PCDH11X: variants seen among roughly 807,000 people sequenced by gnomAD.
PCDH11X encodes the protein protocadherin-11 X-linked.
Under a neutral mutation model 53.3 loss-of-function variants are expected in PCDH11X, and 18 were observed. The ratio of observed to expected loss-of-function variants is 0.34; its 90% CI spans 0.23 to 0.50. PCDH11X has a LOEUF of 0.50. Among genes scored for constraint, PCDH11X ranks in the 20% least tolerant of loss-of-function variants. The pLI is 0.98. For missense variants in PCDH11X, 570 were observed against 1,032.4 expected, an observed-to-expected ratio of 0.55 and a Z score of 6.14; for synonymous variants, 279 against 393.3, an observed-to-expected ratio of 0.71 and a Z score of 3.44.
chrX:91,932,003 C>A (rs180847166), intron 6 of PCDH11X, among the ~76,000 whole-genome samples: 1,619 of 110,599 alleles, frequency 0.015, 43 homozygotes, highest in African/African-American at 0.052. Context: ...CAAGAGGCCT[C>A]AGTGTGTGTT....
At chrX:92,544,092 C>T (rs983584811) in intron 10 of PCDH11X, among the ~76,000 whole-genome samples, 3 of 108,729 alleles carry the variant, frequency 2.8e-5, no homozygotes, top group African/African-American at 1.0e-4. Context: ...TGTCAGACAC[C>T]TTTCACACCA....
In PCDH11X at chrX:92,314,340, G is replaced by A. The variant is rs1267684375; in HGVS notation, c.3144+51197G>A. ...TTGTCTCACTGGAAGATCTTCAGAG[G>A]CAATAGTATGCATGAAGCTGTCATC... is the stretch of plus-strand genomic sequence containing the variant. On this transcript the variant is annotated intron_variant, in intron 8 of 10. Transcript: ENST00000682573. Among the ~76,000 whole-genome samples, 9 of 110,983 alleles carry A rather than the reference G, an allele frequency of 8.1e-5. No individual in the cohort carries two copies. In the East Asian group the frequency reaches 2.3e-3, roughly 28 times the overall value.
chrX:92,475,275 T>C (rs1210945724), intron 10 of PCDH11X, among the ~76,000 whole-genome samples: 1 of 110,196 alleles, frequency 9.1e-6, no homozygotes, highest in African/African-American at 3.3e-5. Context: ...GTTTTGTACC[T>C]TTGTATGAAT....
intron 6 of PCDH11X, among the ~76,000 whole-genome samples, chrX:92,165,704 T>C (rs1161503324): frequency 8.9e-6 from 1 of 112,072 alleles, no homozygotes; most frequent in Non-Finnish European, 1.9e-5. Context: ...TCAGTAGCTA[T>C]GTGCACTGTA....
chrX:92,241,306 A>C (rs1026281943), intron 7 of PCDH11X, among the ~76,000 whole-genome samples: 1 of 111,911 alleles, frequency 8.9e-6, no homozygotes, highest in Non-Finnish European at 1.9e-5. Flanking sequence ...CATCATATAA[A>C]GTTCTTTTCT....
chrX:92,488,678 A>C (rs1459447537), intron 10 of PCDH11X, among the ~76,000 whole-genome samples: 1 of 107,978 alleles, frequency 9.3e-6, no homozygotes, highest in Non-Finnish European at 1.9e-5. Flanking sequence ...TTCTGTATTC[A>C]AAATAGTTTC....
intron 5 of PCDH11X, among the ~76,000 whole-genome samples, chrX:91,873,906 T>C (rs765955595): frequency 9.0e-6 from 1 of 111,281 alleles, no homozygotes; most frequent in South Asian, 3.7e-4. Flanking sequence ...ATTCTCTTAA[T>C]GTAAATCCGT....
At chrX:92,515,004 G>T (rs1216336026) in intron 10 of PCDH11X, among the ~76,000 whole-genome samples, 2 of 80,016 alleles carry the variant, frequency 2.5e-5, no homozygotes, top group Admixed American at 3.5e-4. Context: ...CTGAGATCCC[G>T]CCACTGCACT....
intron 5 of PCDH11X, among the ~76,000 whole-genome samples, chrX:91,853,630 A>G (rs940443725): frequency 9.2e-6 from 1 of 108,839 alleles, no homozygotes; most frequent in Non-Finnish European, 1.9e-5. Context: ...CTGATTGTTA[A>G]TGGATAAGAA....
At chrX:91,795,684 C>A (rs1266588323) in intron 1 of PCDH11X, among the ~76,000 whole-genome samples, 1 of 110,964 alleles carries the variant, frequency 9.0e-6, no homozygotes, top group Non-Finnish European at 1.9e-5. Context: ...AGGTTTTATG[C>A]TACAATTTAA....
intron 7 of PCDH11X, among the ~76,000 whole-genome samples, chrX:92,240,780 G>A (rs1482481688): frequency 9.0e-6 from 1 of 110,954 alleles, no homozygotes; most frequent in African/African-American, 3.3e-5. Context: ...TCAAATATAT[G>A]GCTGTGCTAA....
At chrX:92,268,099 A>T (rs988391774) in intron 8 of PCDH11X, among the ~76,000 whole-genome samples, 2 of 112,282 alleles carry the variant, frequency 1.8e-5, no homozygotes, top group Non-Finnish European at 3.8e-5. Context: ...TAAATAAAAC[A>T]AATTCTAATG....
intron 6 of PCDH11X, among the ~76,000 whole-genome samples, chrX:92,014,079 C>T (rs1342288174): frequency 1.8e-5 from 2 of 111,334 alleles, no homozygotes; most frequent in East Asian, 5.7e-4. Flanking sequence ...AAGAAACTAC[C>T]ATCAGAGTGA....
At chrX:92,465,584 T>C (rs1465611559) in intron 9 of PCDH11X, among the ~76,000 whole-genome samples, 1 of 111,998 alleles carries the variant, frequency 8.9e-6, no homozygotes, top group Non-Finnish European at 1.9e-5. Flanking sequence ...TGGTGAGTTC[T>C]ATTGACCTAT....
chrX:91,821,189 G>GT (rs922436762), intron 4 of PCDH11X, among the ~76,000 whole-genome samples: 1 of 109,468 alleles, frequency 9.1e-6, no homozygotes, highest in African/African-American at 3.5e-5. Flanking sequence ...CTTTATAGTA[G>GT]TTTTTTCCAA....
chrX:92,483,641 C>T (rs1168562432), intron 10 of PCDH11X, among the ~76,000 whole-genome samples: 6 of 85,980 alleles, frequency 7.0e-5, no homozygotes, highest in Non-Finnish European at 1.3e-4. Flanking sequence ...ACTGGAGAGC[C>T]AATAATACAC....
At chrX:92,064,919 G>A (rs2063584706) in intron 6 of PCDH11X, among the ~76,000 whole-genome samples, 1 of 103,205 alleles carries the variant, frequency 9.7e-6, no homozygotes, top group Admixed American at 1.1e-4. Flanking sequence ...GGAAAGCATG[G>A]CCTTCAGCAT....
At chrX:91,822,016 G>A (rs964015670) in intron 4 of PCDH11X, among the ~76,000 whole-genome samples, 1 of 105,581 alleles carries the variant, frequency 9.5e-6, no homozygotes, top group Non-Finnish European at 1.9e-5. Flanking sequence ...GCATCCCAGG[G>A]ATGAAGCCCA....
chrX:92,323,802 G>C (rs760059518), intron 8 of PCDH11X, among the ~76,000 whole-genome samples: 1 of 110,531 alleles, frequency 9.0e-6, no homozygotes, highest in Non-Finnish European at 1.9e-5. Context: ...TAACAGTGTC[G>C]AATCCATTTC....
Sources: gnomAD v4.1 joint callset for allele counts (sites outside exome capture counted in the v4.1 genomes callset) on GRCh38, gnomAD v4.1.1 for gene constraint, MANE v1.5 for transcripts, NCBI Gene and HGNC (gene_info 2026-07-23, HGNC 2026-07-21) for gene names.